Variants in THOP1 observed in about 807,000 individuals in gnomAD.
THOP1 encodes thimet oligopeptidase 1, also known as thimet oligopeptidase.
A neutral mutation model predicts 71.8 loss-of-function variants in THOP1; 49 were observed. That is an observed-to-expected ratio of 0.68 (90% CI 0.54 to 0.87). The LOEUF (loss-of-function observed/expected upper bound fraction) is 0.87. Ranked by LOEUF, THOP1 falls within the 40% of genes least tolerant of loss-of-function variation. THOP1 has a pLI of 0.00. For synonymous variants in THOP1, 426 were observed against 421.5 expected (o/e 1.01, Z -0.13); for missense variants, 843 against 975.6 (o/e 0.86, Z 1.81).
Position 2,796,068 on chromosome 19 carries a change from G to A in THOP1, c.379-13G>A. On this transcript the variant is annotated splice_polypyrimidine_tract_variant and intron_variant, in intron 3 of 12. Transcript: ENST00000307741. ...TGGCCCACGTCCTACATGCTTTGATGTTTTTATTCCAGGAGAAAGTTCAGA... is the reference window on the plus strand; with the variant it reads ...TGGCCCACGTCCTACATGCTTTGATATTTTTATTCCAGGAGAAAGTTCAGA... 16 of 1,610,642 alleles carry A rather than the reference G, an allele frequency of 9.9e-6. No homozygotes were observed. Among genetic ancestry groups the A allele is most frequent in the Non-Finnish European group, 1.3e-5 (15 of 1,177,282 alleles).
intron 9 of THOP1, 63 bp from the exon 10 acceptor site, chr19:2,810,241 C>T: frequency 6.4e-7 from 1 of 1,561,858 alleles, no homozygotes; most frequent in Non-Finnish European, 8.6e-7. Context: ...TGACACGGGC[C>T]AGGCCGGCGG....
At chr19:2,792,582 T>G (rs894252249) in intron 2 of THOP1, among the ~76,000 whole-genome samples, 20 of 152,102 alleles carry the variant, frequency 1.3e-4, no homozygotes, top group African/African-American at 4.8e-4. Flanking sequence ...GACTGCAATT[T>G]GAATTCAGGT....
intron 4 of THOP1, among the ~76,000 whole-genome samples, chr19:2,797,428 G>A (rs79191273): frequency 0.026 from 3,925 of 152,330 alleles, 157 homozygotes; most frequent in African/African-American, 0.088. Context: ...ACCGTGCTTG[G>A]AATGCTGATC....
chr19:2,807,711 G>A lies in THOP1; in HGVS notation c.1156G>A (p.Gly386Ser). The change falls in exon 8 of 13, where the codon GGC (glycine) becomes AGC (serine). Residue 386 changes from glycine to serine, a missense_variant. By Grantham distance (56) the Gly-to-Ser change is moderately conservative (BLOSUM62 0). Transcript: ENST00000307741. Reference protein sequence around the residue: ...LLGLAFHHEEGASAWHEDVRL... With the variant: ...LLGLAFHHEESASAWHEDVRL... Reference sequence around the variant, plus strand: ...GGGGCTGGCCTTCCACCACGAGGAGGGCGCCAGTGCCTGGCATGAGGACGT... The same window carrying A: ...GGGGCTGGCCTTCCACCACGAGGAGAGCGCCAGTGCCTGGCATGAGGACGT... The A allele has an allele frequency of 6.2e-7, 1 of 1,602,438 alleles. No individual in the cohort carries two copies. The highest frequency in any genetic ancestry group is 8.5e-7 in the Non-Finnish European group (1 of 1,172,570).
chr19:2,785,548 G>C lies in THOP1; in HGVS notation c.-115G>C. The C allele has an allele frequency of 1.6e-6, 2 of 1,277,140 alleles. No individual in the cohort carries two copies. Among genetic ancestry groups the C allele is most frequent in the Non-Finnish European group, 2.1e-6 (2 of 968,172 alleles). 79.1% of individuals were successfully genotyped at this position (1,277,140 alleles called of 1,614,324 possible). ...GCGGCGGGCCCCTTGGTCCTCAGGC[G>C]GCCGTGGCGGCGGTGGCGGCGGTTG... On this transcript the variant is annotated 5_prime_UTR_variant, in exon 1 of 13. Coordinates refer to ENST00000307741, the MANE Select transcript of THOP1 (RefSeq NM_003249.5).
In THOP1 at chr19:2,799,778, G is replaced by A. The variant is rs542062885; in HGVS notation, c.576G>A (p.Thr192=). 15 of 1,613,504 alleles carry A rather than the reference G, an allele frequency of 9.3e-6. No homozygotes were observed. Among genetic ancestry groups the A allele is most frequent in the East Asian group, 4.5e-5 (2 of 44,888 alleles). ...AGGACACGACCTTCCTGCCCTTCAC[G>A]CTCCAGGAGCTAGGTAGGGGCCGAG... ...LNEDTTFLPF[T]LQELGGLPED... Residue 192 remains threonine, a synonymous_variant, in exon 5 of 13, where the codon ACG becomes ACA. Transcript: ENST00000307741.
In THOP1 at chr19:2,799,728, A is replaced by G. The variant is rs781440874; in HGVS notation, c.526A>G (p.Ile176Val). 2 of 1,613,340 alleles carry G rather than the reference A, an allele frequency of 1.2e-6. No individual in the cohort carries two copies. The highest frequency in any genetic ancestry group is 1.3e-5 in the African/African-American group (1 of 75,020). ...CAAGAAGAAGCTGAGCCTTCTGTGC[A>G]TCGACTTCAACAAGAACCTGAACGA... ...RIKKKLSLLC[I>V]DFNKNLNEDT... The change falls in exon 5 of 13, where the codon ATC (isoleucine) becomes GTC (valine). Residue 176 changes from isoleucine (I) to valine (V), a missense_variant. Coordinates refer to ENST00000307741, the MANE Select transcript of THOP1 (RefSeq NM_003249.5).
intron 6 of THOP1, chr19:2,806,047 CA>C (rs1354073429): frequency 6.6e-6 from 1 of 152,388 alleles, no homozygotes; most frequent in Non-Finnish European, 1.5e-5. Flanking sequence ...CACTGCAAGG[CA>C]GGGGGGTGCT....
At chr19:2,789,659 G>C (rs1915831724) in intron 1 of THOP1, among the ~76,000 whole-genome samples, 1 of 152,220 alleles carries the variant, frequency 6.6e-6, no homozygotes, top group African/African-American at 2.4e-5. Context: ...GAGTTGAGCA[G>C]TGCGTGGGTG....
At chr19:2,798,506 A>G (rs960656772) in intron 4 of THOP1, among the ~76,000 whole-genome samples, 3 of 152,184 alleles carry the variant, frequency 2.0e-5, no homozygotes, top group African/African-American at 7.2e-5. Flanking sequence ...GCAGAGTTCC[A>G]GCGCGTCCCC....
intron 12 of THOP1, chr19:2,812,177 C>T: frequency 6.7e-7 from 1 of 1,489,538 alleles, no homozygotes; most frequent in Non-Finnish European, 8.9e-7. Flanking sequence ...GTTTGCCATT[C>T]ATTTGCTCCT....
intron 4 of THOP1, among the ~76,000 whole-genome samples, chr19:2,796,568 G>A (rs1478532768): frequency 6.7e-6 from 1 of 149,572 alleles, no homozygotes; most frequent in Non-Finnish European, 1.5e-5. Flanking sequence ...TGGGTGTGGG[G>A]AGTGCTCAGT....
intron 5 of THOP1, among the ~76,000 whole-genome samples, chr19:2,803,483 A>G (rs766964599): frequency 2.6e-4 from 40 of 152,192 alleles, no homozygotes; most frequent in Non-Finnish European, 5.4e-4. Flanking sequence ...TTTTCTAAAA[A>G]AATAAAAACT....
At chr19:2,808,018 C>A in intron 8 of THOP1, 1 of 769,886 alleles carries the variant, frequency 1.3e-6, no homozygotes, top group Non-Finnish European at 2.0e-6. Context: ...CGACAGGGCG[C>A]AGCTCTGCCC....
chr19:2,806,888 G>C (rs1275388997), intron 6 of THOP1, 29 bp from the exon 7 acceptor site: 2 of 1,612,470 alleles, frequency 1.2e-6, no homozygotes, highest in Non-Finnish European at 1.7e-6. Flanking sequence ...TGGCGCCCCT[G>C]GGTGACAGTG....
At chr19:2,794,732 C>T (rs1374306851) in intron 2 of THOP1, 32 bp from the exon 3 acceptor site, 3 of 1,595,638 alleles carry the variant, frequency 1.9e-6, no homozygotes, top group Non-Finnish European at 1.7e-6. Context: ...GGCCTGTTCT[C>T]ACACCTGTCT....
At chr19:2,793,980 C>A (rs946831276) in intron 2 of THOP1, among the ~76,000 whole-genome samples, 7 of 151,044 alleles carry the variant, frequency 4.6e-5, no homozygotes, top group Non-Finnish European at 8.8e-5. Flanking sequence ...TCTTGGGGGT[C>A]ATGGGATGAC....
At chr19:2,793,910 G>C (rs1341657443) in intron 2 of THOP1, among the ~76,000 whole-genome samples, 2 of 152,150 alleles carry the variant, frequency 1.3e-5, no homozygotes, top group African/African-American at 4.8e-5. Flanking sequence ...GTGAGTGCAC[G>C]TGTGCAGATT....
rs1302691023 is a variant in THOP1 at position 2,807,722 on chromosome 19, C to T, written c.1167C>T (p.Ala389=). The change falls in exon 8 of 13, where the codon GCC becomes GCT. Residue 389 remains alanine (A), a synonymous_variant. Transcript: ENST00000307741. ...TCCACCACGAGGAGGGCGCCAGTGCCTGGCATGAGGACGTGCGGCTCTACA... is the reference window on the plus strand; with the variant it reads ...TCCACCACGAGGAGGGCGCCAGTGCTTGGCATGAGGACGTGCGGCTCTACA... The part of the protein sequence containing the change: ...LAFHHEEGAS[A]WHEDVRLYTA... 1.9e-6 allele frequency: 3 copies of T among 1,598,222 alleles called. No individual in the cohort carries two copies. In the South Asian group the frequency reaches 3.3e-5, roughly 18 times the overall value.
Sources: gnomAD v4.1 joint callset for allele counts (sites outside exome capture counted in the v4.1 genomes callset) on GRCh38, gnomAD v4.1.1 for gene constraint, MANE v1.5 for transcripts, NCBI Gene and HGNC (gene_info 2026-07-23, HGNC 2026-07-21) for gene names.